PLEKHG1: variants seen among roughly 807,000 people sequenced by gnomAD.
PLEKHG1 encodes the protein pleckstrin homology domain-containing family G member 1.
PLEKHG1 carries 44 observed loss-of-function variants against 100.8 expected under a neutral mutation model. That is an observed-to-expected ratio of 0.44 (90% CI 0.34 to 0.56). The LOEUF (loss-of-function observed/expected upper bound fraction) is 0.56, where lower values mean the gene tolerates loss of function less well. Among genes scored for constraint, PLEKHG1 ranks in the 20% least tolerant of loss-of-function variants. The pLI, the probability that PLEKHG1 is intolerant of heterozygous loss-of-function variation, is 0.01. For synonymous variants in PLEKHG1, 640 were observed against 662.5 expected, an observed-to-expected ratio of 0.97 and a Z score of 0.52; for missense variants, 1,545 against 1,720.9, an observed-to-expected ratio of 0.90 and a Z score of 1.81.
At chr6:150,830,666 A>G in exon 15 of PLEKHG1, 1 of 1,614,132 alleles carries the variant, frequency 6.2e-7, no homozygotes, top group African/African-American at 1.3e-5. Context: ...CAGTTCTACC[A>G]TGATCAGCGT....
Position 150,677,283 on chromosome 6 carries a change from T to TACGCGC in PLEKHG1, c.-99+26498_-99+26499insCGCGCA, listed in dbSNP as rs756621195. ...CAGTCTTGTCTCTTGTTTCTTCCCCTATACACACACACACACACACGCGCG... is the reference window on the plus strand; with the variant it reads ...CAGTCTTGTCTCTTGTTTCTTCCCCTACGCGCATACACACACACACACACACGCGCG... On this transcript the variant is annotated intron_variant, in intron 3 of 3. Coordinates refer to the PLEKHG1 transcript ENST00000367326. Among the ~76,000 whole-genome samples the TACGCGC allele has an allele frequency of 4.6e-3, 613 of 134,256 alleles. 10 individuals are homozygous for TACGCGC. Among genetic ancestry groups the TACGCGC allele is most frequent in the East Asian group, 0.045 (208 of 4,666 alleles). 88.1% of individuals were successfully genotyped at this position (134,256 alleles called of 152,430 possible).
intron 4 of PLEKHG1, among the ~76,000 whole-genome samples, chr6:150,792,603 G>T (rs1269302330): frequency 6.6e-6 from 1 of 151,908 alleles, no homozygotes; most frequent in Non-Finnish European, 1.5e-5. Flanking sequence ...GAACCCAAGA[G>T]GCAAAGGCTG....
chr6:150,704,492 T>C (rs9480551), intron 3 of PLEKHG1, among the ~76,000 whole-genome samples: 23,236 of 152,242 alleles, frequency 0.15, 2,504 homozygotes, highest in African/African-American at 0.32. Flanking sequence ...GCGTTTTTCA[T>C]TGGGATGATG....
intron 4 of PLEKHG1, among the ~76,000 whole-genome samples, chr6:150,792,786 G>A (rs1029274739): frequency 6.6e-6 from 1 of 152,130 alleles, no homozygotes; most frequent in African/African-American, 2.4e-5. Context: ...CCCAGATTGT[G>A]GTCTCCAAAC....
intron 1 of PLEKHG1, among the ~76,000 whole-genome samples, chr6:150,631,378 G>A (rs934274271): frequency 2.6e-5 from 4 of 152,174 alleles, no homozygotes; most frequent in Non-Finnish European, 5.9e-5. Context: ...GGACAGACAG[G>A]ACTGTGGGGA....
intron 2 of PLEKHG1, among the ~76,000 whole-genome samples, chr6:150,739,716 G>A (rs2128621450): frequency 6.6e-6 from 1 of 152,108 alleles, no homozygotes; most frequent in East Asian, 1.9e-4. Context: ...TAGCCTTGAT[G>A]TTCAAAATTT....
intron 15 of PLEKHG1, among the ~76,000 whole-genome samples, chr6:150,835,172 C>T (rs1427618752): frequency 2.0e-5 from 3 of 152,142 alleles, no homozygotes; most frequent in Non-Finnish European, 4.4e-5. Context: ...AATCACCCAA[C>T]CAGGTCCAGT....
chr6:150,684,366 T>C (rs887481245), intron 3 of PLEKHG1, among the ~76,000 whole-genome samples: 14 of 152,204 alleles, frequency 9.2e-5, no homozygotes, highest in African/African-American at 3.1e-4. Flanking sequence ...GATTGGCTGT[T>C]TCGGGAATGA....
chr6:150,777,631 T>A (rs945579438), intron 3 of PLEKHG1, among the ~76,000 whole-genome samples: 1 of 149,966 alleles, frequency 6.7e-6, no homozygotes, highest in Non-Finnish European at 1.5e-5. Flanking sequence ...TGGTTGCACA[T>A]TACTCACACT....
intron 4 of PLEKHG1, among the ~76,000 whole-genome samples, chr6:150,794,294 A>G (rs893520726): frequency 2.0e-5 from 3 of 152,230 alleles, no homozygotes; most frequent in African/African-American, 7.2e-5. Context: ...AAAGAAAAAA[A>G]GGAAATATGA....
chr6:150,736,621 T>C (rs1782575610), intron 2 of PLEKHG1, among the ~76,000 whole-genome samples: 1 of 152,094 alleles, frequency 6.6e-6, no homozygotes, highest in Non-Finnish European at 1.5e-5. Context: ...ATACAAAAAT[T>C]AGCCGGGCAT....
chr6:150,728,200 A>C (rs910772309), intron 1 of PLEKHG1, among the ~76,000 whole-genome samples: 6 of 152,248 alleles, frequency 3.9e-5, no homozygotes, highest in African/African-American at 7.2e-5. Flanking sequence ...ATCTTCAAGA[A>C]TAATGTAATT....
intron 2 of PLEKHG1, among the ~76,000 whole-genome samples, chr6:150,735,509 A>G (rs1348567575): frequency 6.6e-6 from 1 of 152,244 alleles, no homozygotes; most frequent in Admixed American, 6.5e-5. Flanking sequence ...TCCGCAAATG[A>G]TAGAACCAGA....
chr6:150,699,237 T>A (rs1388060686), intron 3 of PLEKHG1, among the ~76,000 whole-genome samples: 1 of 152,242 alleles, frequency 6.6e-6, no homozygotes, highest in Non-Finnish European at 1.5e-5. Context: ...TATAGATTTA[T>A]ACTTATTTCA....
intron 1 of PLEKHG1, among the ~76,000 whole-genome samples, chr6:150,732,220 C>CA (rs66468639): frequency 0.19 from 28,535 of 152,014 alleles, 4,290 homozygotes; most frequent in African/African-American, 0.41. Flanking sequence ...CTTTTCTAAA[C>CA]AGACAGTGCC....
chr6:150,797,018 TCTCA>T (rs1056814131), intron 5 of PLEKHG1, among the ~76,000 whole-genome samples: 22 of 151,822 alleles, frequency 1.4e-4, no homozygotes, highest in African/African-American at 5.3e-4. Context: ...TGAGACAGAG[TCTCA>T]CTCCGCCACC....
chr6:150,727,404 A>T (rs1458331730), intron 1 of PLEKHG1, among the ~76,000 whole-genome samples: 1 of 152,186 alleles, frequency 6.6e-6, no homozygotes, highest in African/African-American at 2.4e-5. Flanking sequence ...GCCAAGAAGC[A>T]TTGCTTTTGA....
At chr6:150,625,143 C>CAA (rs5880888) in intron 1 of PLEKHG1, among the ~76,000 whole-genome samples, 514 of 146,852 alleles carry the variant, frequency 3.5e-3, no homozygotes, top group South Asian at 9.3e-3. Context: ...GACTCCATCT[C>CAA]AAAAAAAAAA....
At chr6:150,788,607 C>T (rs533185885) in intron 4 of PLEKHG1, among the ~76,000 whole-genome samples, 1 of 152,368 alleles carries the variant, frequency 6.6e-6, no homozygotes, top group South Asian at 2.1e-4. Context: ...GCCAAACCTT[C>T]TCCCAGTAAA....
Sources: allele counts gnomAD v4.1 joint callset (sites outside exome capture counted in the v4.1 genomes callset), GRCh38; gene constraint gnomAD v4.1.1; transcripts MANE v1.5; gene names NCBI Gene and HGNC (gene_info 2026-07-23, HGNC 2026-07-21).